Variants in UPB1 observed in about 807,000 individuals in gnomAD.
UPB1 encodes beta-ureidopropionase 1.
A neutral mutation model predicts 49.1 loss-of-function variants in UPB1; 40 were observed. The observed-to-expected ratio is 0.81, with a 90% CI of 0.63 to 1.06. UPB1 has a LOEUF of 1.06. UPB1 is among the 50% of genes least tolerant of loss of function. The pLI, the probability that UPB1 is intolerant of heterozygous loss-of-function variation, is 0.00. For missense variants in UPB1, 499 were observed against 505.9 expected (o/e 0.99, Z 0.13); for synonymous variants, 207 against 198.2 (o/e 1.04, Z -0.38).
intron 7 of UPB1, among the ~76,000 whole-genome samples, chr22:24,521,477 AAAATAAATAAATAATT>A (rs918230351): frequency 2.6e-5 from 4 of 152,168 alleles, no homozygotes; most frequent in Non-Finnish European, 5.9e-5. Flanking sequence ...CTCCGTCTCC[AAAATAAATAAATAATT>A]AAATAAATAA....
At chr22:24,511,542 C>G (rs1402380672) in intron 4 of UPB1, among the ~76,000 whole-genome samples, 1 of 151,742 alleles carries the variant, frequency 6.6e-6, no homozygotes, top group East Asian at 1.9e-4. Context: ...TCTGCTGTTT[C>G]CCACCTCTCG....
intron 3 of UPB1, among the ~76,000 whole-genome samples, chr22:24,505,719 T>C (rs1239562957): frequency 1.3e-5 from 2 of 152,126 alleles, no homozygotes; most frequent in Non-Finnish European, 2.9e-5. Flanking sequence ...ATTTTTATTT[T>C]TATTTTTTTT....
chr22:24,512,993 T>G (rs934702354), intron 4 of UPB1, among the ~76,000 whole-genome samples: 1 of 152,258 alleles, frequency 6.6e-6, no homozygotes, highest in Admixed American at 6.5e-5. Context: ...GAATATGCGT[T>G]TGCAAATCTC....
chr22:24,519,514 C>G (rs77173254), intron 6 of UPB1, among the ~76,000 whole-genome samples: 1 of 152,088 alleles, frequency 6.6e-6, no homozygotes, highest in African/African-American at 2.4e-5. Context: ...TGTCTCCCAT[C>G]GCATTCTCCC....
chr22:24,517,765 T>C (rs2044322578), intron 6 of UPB1, among the ~76,000 whole-genome samples: 1 of 152,160 alleles, frequency 6.6e-6, no homozygotes, highest in Non-Finnish European at 1.5e-5. Flanking sequence ...CAGTAAAAAC[T>C]AACAGGTCTT....
chr22:24,523,373 G>A (rs2044429628), intron 8 of UPB1, among the ~76,000 whole-genome samples: 1 of 152,238 alleles, frequency 6.6e-6, no homozygotes, highest in Non-Finnish European at 1.5e-5. Context: ...ACACCTCTCA[G>A]AAGGGTGACA....
intron 3 of UPB1, among the ~76,000 whole-genome samples, chr22:24,508,895 AAAAG>A (rs755825851): frequency 7.2e-5 from 11 of 152,322 alleles, no homozygotes; most frequent in East Asian, 3.9e-4. Context: ...AGAAAAGAAA[AAAAG>A]AAAGAAATGC....
chr22:24,502,612 G>A (rs754547715), intron 3 of UPB1: 1 of 704,116 alleles, frequency 1.4e-6, no homozygotes, highest in East Asian at 2.5e-5. Context: ...TACCTTTGTG[G>A]TTTTTATTTT....
At chr22:24,503,677 CA>C (rs2044034851) in intron 3 of UPB1, 1 of 152,212 alleles carries the variant, frequency 6.6e-6, no homozygotes, top group African/African-American at 2.4e-5. Context: ...ACCATCCAGG[CA>C]TTTGGCCATT....
chr22:24,513,592 C>A lies in UPB1; in HGVS notation c.621+107C>A, dbSNP rs552767729. The A allele has an allele frequency of 6.5e-5, 95 of 1,453,884 alleles. No individual in the cohort carries two copies. The African/African-American group carries it at 1.2e-3, about 18-fold the overall frequency. The allele number at this position is 1,453,884 out of a possible 1,614,324, so 90.1% of individuals were successfully genotyped here. Reference sequence around the variant, plus strand: ...GGAAGTTCTGTGCAGGATCATACTCCATGTCACGTACACTCCACGGGAGCA... The same window carrying A: ...GGAAGTTCTGTGCAGGATCATACTCAATGTCACGTACACTCCACGGGAGCA... On this transcript the variant is annotated intron_variant, in intron 5 of 9. Coordinates refer to ENST00000326010, the MANE Select transcript of UPB1 (RefSeq NM_016327.3).
At position 24,526,130 on chromosome 22, in the gene UPB1, CA is replaced by C. The variant is rs1601521696; in HGVS notation, c.*337del. 2.7e-6 allele frequency: 1 copy of C among 371,600 alleles called. No homozygotes were observed. The highest frequency in any genetic ancestry group is 6.7e-5 in the East Asian group (1 of 14,970). 23.0% of individuals were successfully genotyped at this position (371,600 alleles called of 1,614,324 possible). A position where few individuals can be genotyped will look rare whatever the true frequency, so the allele number is the denominator to read the frequency against. On this transcript the variant is annotated 3_prime_UTR_variant, in exon 10 of 10. Transcript: ENST00000326010. The stretch of plus-strand genomic sequence containing the variant: ...TTGTGCAGGTGGATTTGAGGTTAGG[CA>C]GATGATGCTGTCCATCCCGTACACC...
At position 24,495,517 on chromosome 22, in the gene UPB1, C is replaced by T. The variant is rs758497575; in HGVS notation, c.104+10C>T. ...ATGGCAAGGAACTCAGGTCCGCAGC[C>T]AAGAGGCTAAGCTAATGGGGTCTTG... On this transcript the variant is annotated intron_variant, in intron 1 of 9. Transcript: ENST00000326010. The T allele has an allele frequency of 2.5e-6, 4 of 1,613,750 alleles. No homozygotes were observed. The highest frequency in any genetic ancestry group is 3.4e-6 in the Non-Finnish European group (4 of 1,179,938).
rs2043892953 is a variant in UPB1, at chr22:24,496,617, T to G, written c.104+1110T>G. Among the ~76,000 whole-genome samples the G allele has an allele frequency of 2.6e-5, 4 of 152,068 alleles. No individual in the cohort carries two copies. In the South Asian group the frequency reaches 8.3e-4, roughly 32 times the overall value. ...GCAGGTGGAAATAACTCAGGGGCTA[T>G]TTGCTATGTGGAGGTGGGCCTCAGG... On this transcript the variant is annotated intron_variant, in intron 1 of 9. Transcript: ENST00000326010.
At chr22:24,498,747 C>T (rs572536450) in intron 1 of UPB1, among the ~76,000 whole-genome samples, 6 of 152,288 alleles carry the variant, frequency 3.9e-5, no homozygotes, top group African/African-American at 1.4e-4. Context: ...GAGCTCTTCA[C>T]CTGACATTTT....
chr22:24,506,921 T>G (rs1439486784), intron 3 of UPB1, among the ~76,000 whole-genome samples: 1 of 152,208 alleles, frequency 6.6e-6, no homozygotes, highest in East Asian at 1.9e-4. Context: ...GGACTCCCCC[T>G]GACCACTCTG....
At chr22:24,518,418 T>TG (rs1341732795) in intron 6 of UPB1, 2 of 152,228 alleles carry the variant, frequency 1.3e-5, no homozygotes, top group Admixed American at 1.3e-4. Context: ...TGCCTATGGA[T>TG]GAGGATAGTC....
chr22:24,501,981 G>T, intron 2 of UPB1, 145 bp from the exon 3 acceptor site: 1 of 786,962 alleles, frequency 1.3e-6, no homozygotes. Context: ...TGGACATCAG[G>T]AGATAACCAA....
chr22:24,515,436 T>C, intron 6 of UPB1, 66 bp downstream of exon 6: 1 of 1,608,416 alleles, frequency 6.2e-7, no homozygotes, highest in Non-Finnish European at 8.5e-7. Context: ...AAGGCTGGGC[T>C]GTGGAGCTCC....
rs778518941 is a variant in UPB1, at chr22:24,500,125, G to C, written c.123G>C (p.Arg41Ser). 1.2e-6 allele frequency: 2 copies of C among 1,614,178 alleles called. No individual in the cohort carries two copies. Among genetic ancestry groups the C allele is most frequent in the Non-Finnish European group, 1.7e-6 (2 of 1,180,042 alleles). The change falls in exon 2 of 10, where the codon AGG becomes AGC. Residue 41 changes from arginine (R) to serine (S), a missense_variant. Arg to Ser is a moderately radical substitution (Grantham distance 110). Transcript: ENST00000326010. Reference protein sequence around the residue: ...GKELRKLDLPREAFEAASRED... With the variant: ...GKELRKLDLPSEAFEAASRED... ...CATCTAGGAAGCTTGATCTGCCCAG[G>C]GAAGCTTTCGAAGCTGCCTCCAGAG...
Sources: allele counts gnomAD v4.1 joint callset (sites outside exome capture counted in the v4.1 genomes callset), GRCh38; gene constraint gnomAD v4.1.1; transcripts MANE v1.5; gene names NCBI Gene and HGNC (gene_info 2026-07-23, HGNC 2026-07-21).